The following VKORC1L1 variants were observed in gnomAD, a reference collection of about 807,000 sequenced individuals.
VKORC1L1 encodes the protein vitamin K epoxide reductase complex subunit 1-like protein 1.
A neutral mutation model predicts 18.9 loss-of-function variants in VKORC1L1; 2 were observed. The observed-to-expected ratio is 0.11, with a 90% confidence interval of 0.04 to 0.33. The LOEUF (loss-of-function observed/expected upper bound fraction) is 0.33. VKORC1L1 is among the 10% of genes least tolerant of loss of function. The probability of loss-of-function intolerance (pLI) is 1.00; values close to 1 mark genes in which losing one functional copy is unlikely to be tolerated. For synonymous variants in VKORC1L1, 96 were observed against 100.0 expected (o/e 0.96, Z 0.24); for missense variants, 123 against 224.1 (o/e 0.55, Z 2.88).
chr7:65,930,946 A>G (rs751281460), intron 1 of VKORC1L1, among the ~76,000 whole-genome samples: 78 of 152,212 alleles, frequency 5.1e-4, no homozygotes, highest in Non-Finnish European at 9.4e-4. Flanking sequence ...TAGATTTTGT[A>G]TTTTGTCAAA....
intron 1 of VKORC1L1, among the ~76,000 whole-genome samples, chr7:65,888,821 C>T (rs1388369425): frequency 1.3e-5 from 2 of 152,168 alleles, no homozygotes; most frequent in African/African-American, 4.8e-5. Context: ...AGAGCTCAGC[C>T]TTGATTTCTT....
At position 65,948,826 on chromosome 7, in the gene VKORC1L1, G is replaced by A. The variant is rs570037248; in HGVS notation, c.304+46G>A. The A allele has an allele frequency of 2.3e-5, 27 of 1,190,426 alleles. No homozygotes were observed. In the East Asian group the frequency reaches 4.7e-4, roughly 21 times the overall value. 73.7% of individuals were successfully genotyped at this position (1,190,426 alleles called of 1,614,324 possible). A position where few individuals can be genotyped will look rare whatever the true frequency, so the allele number is the denominator to read the frequency against. On this transcript the variant is annotated intron_variant, in intron 2 of 2. Transcript: ENST00000360768. Reference sequence around the variant, plus strand: ...AAATAAGTTTGTTATATTCCGTTTAGTACTTTGTGTCTTTGCCCTGAAGTG... The same window carrying A: ...AAATAAGTTTGTTATATTCCGTTTAATACTTTGTGTCTTTGCCCTGAAGTG...
chr7:65,866,865 AGAG>A, the VKORC1L1 span, among the ~76,000 whole-genome samples: 1 of 152,022 alleles, frequency 6.6e-6, no homozygotes, highest in Non-Finnish European at 1.5e-5. Context: ...TCGAGGAGGA[AGAG>A]GAGGAGGGGG....
chr7:65,868,176 T>G (rs1441854586), upstream of VKORC1L1, among the ~76,000 whole-genome samples: 13 of 151,790 alleles, frequency 8.6e-5, no homozygotes, highest in Non-Finnish European at 1.8e-4. Flanking sequence ...CAGAAAACAG[T>G]CAGGTGAGAT....
intron 1 of VKORC1L1, among the ~76,000 whole-genome samples, chr7:65,874,272 G>A (rs1034614125): frequency 1.3e-5 from 2 of 152,106 alleles, no homozygotes; most frequent in Non-Finnish European, 2.9e-5. Flanking sequence ...AGAAGGAAAT[G>A]GTCTGAGTTT....
intron 1 of VKORC1L1, among the ~76,000 whole-genome samples, chr7:65,908,942 T>C (rs1789453626): frequency 6.6e-6 from 1 of 151,096 alleles, no homozygotes; most frequent in African/African-American, 2.4e-5. Flanking sequence ...CAAGCTCATG[T>C]AATTTATTCA....
intron 1 of VKORC1L1, among the ~76,000 whole-genome samples, chr7:65,886,865 T>TC (rs1789023468): frequency 7.6e-6 from 1 of 132,108 alleles, no homozygotes; most frequent in Non-Finnish European, 1.6e-5. Context: ...TTTTTTTTTT[T>TC]CTGAGACAGA....
At chr7:65,915,320 T>C (rs1250249716) in intron 1 of VKORC1L1, among the ~76,000 whole-genome samples, 1 of 151,960 alleles carries the variant, frequency 6.6e-6, no homozygotes, top group East Asian at 1.9e-4. Context: ...CTCGATCTCC[T>C]GACCTCGTGA....
chr7:65,914,789 C>A (rs971295711), intron 1 of VKORC1L1, among the ~76,000 whole-genome samples: 1 of 152,086 alleles, frequency 6.6e-6, no homozygotes, highest in African/African-American at 2.4e-5. Flanking sequence ...AGCTTGAGAC[C>A]GACCAGGAGA....
chr7:65,930,849 G>A (rs1198067449), intron 1 of VKORC1L1, among the ~76,000 whole-genome samples: 1 of 152,080 alleles, frequency 6.6e-6, no homozygotes, highest in African/African-American at 2.4e-5. Context: ...TGAATGTGAT[G>A]TTAACTGTAG....
chr7:65,879,932 G>A (rs185766270), intron 1 of VKORC1L1, among the ~76,000 whole-genome samples: 331 of 151,542 alleles, frequency 2.2e-3, no homozygotes, highest in African/African-American at 7.6e-3. Context: ...GCTCACTGCA[G>A]CCTCAACCTC....
rs369613366 is a variant in VKORC1L1, at chr7:65,951,564, A to G, written c.305-2510A>G. ...ACTCCAGCCTCGGTGACAGAGCGAG[A>G]CTCCTTCAGGAAAAAAAAAATATAT... On this transcript the variant is annotated intron_variant, in intron 2 of 2. Coordinates refer to ENST00000360768, the MANE Select transcript of VKORC1L1 (RefSeq NM_173517.6). 4.7e-5 allele frequency among the ~76,000 whole-genome samples: 7 copies of G among 149,076 alleles called. No individual in the cohort carries two copies. In the East Asian group the frequency reaches 5.9e-4, roughly 13 times the overall value.
chr7:65,873,174 T>C lies in VKORC1L1; in HGVS notation c.-198T>C, dbSNP rs2116311579. 1 of 631,960 alleles carries C rather than the reference T, an allele frequency of 1.6e-6. No individual in the cohort carries two copies. Among genetic ancestry groups the C allele is most frequent in the South Asian group, 6.6e-5 (1 of 15,090 alleles). 39.1% of individuals were successfully genotyped at this position (631,960 alleles called of 1,614,324 possible). A position where few individuals can be genotyped will look rare whatever the true frequency, so the allele number is the denominator to read the frequency against. The stretch of plus-strand genomic sequence containing the variant: ...CCCGCCCCGTCCGCCTCACTCCTTT[T>C]GGGGCGGTTGGGCCGCGCGCCTGTG... On this transcript the variant is annotated 5_prime_UTR_variant, in exon 1 of 3. Transcript: ENST00000360768.
At chr7:65,949,809 G>A (rs1179601947) in intron 2 of VKORC1L1, among the ~76,000 whole-genome samples, 1 of 152,110 alleles carries the variant, frequency 6.6e-6, no homozygotes, top group African/African-American at 2.4e-5. Context: ...AATGTGAACT[G>A]TGTTTCAACA....
chr7:65,954,193 T>A lies in VKORC1L1; in HGVS notation c.424T>A (p.Cys142Ser). The part of the protein sequence containing the change: ...YFVLKEFCII[C>S]IVTYVLNFLL... ...TGTGCTGAAGGAGTTCTGCATCATC[T>A]GCATCGTCACGTACGTGCTGAACTT... The change falls in exon 3 of 3, where the codon TGC (cysteine) becomes AGC (serine). Residue 142 changes from cysteine to serine, a missense_variant. Physicochemically the swap from Cys to Ser is moderately radical, Grantham distance 112. This residue lies in a region of VKORC1L1 where 41 missense variants were observed against 61.6 expected (regional missense o/e 0.67). Coordinates refer to ENST00000360768, the MANE Select transcript of VKORC1L1 (RefSeq NM_173517.6). The A allele has an allele frequency of 1.2e-6, 2 of 1,614,170 alleles. No homozygotes were observed. The highest frequency in any genetic ancestry group is 1.7e-6 in the Non-Finnish European group (2 of 1,180,040).
intron 1 of VKORC1L1, among the ~76,000 whole-genome samples, chr7:65,940,847 A>G (rs1488816714): frequency 6.6e-6 from 1 of 152,230 alleles, no homozygotes; most frequent in Non-Finnish European, 1.5e-5. Context: ...GGACAGTATA[A>G]CATGTCCCTG....
intron 1 of VKORC1L1, among the ~76,000 whole-genome samples, chr7:65,890,776 AATTAT>A (rs372484948): frequency 6.6e-4 from 100 of 152,318 alleles, no homozygotes; most frequent in African/African-American, 2.3e-3. Flanking sequence ...CAGTCTGTTA[AATTAT>A]ATTAACCATT....
At chr7:65,941,961 G>A (rs1562655007) in intron 1 of VKORC1L1, among the ~76,000 whole-genome samples, 3 of 152,040 alleles carry the variant, frequency 2.0e-5, no homozygotes, top group African/African-American at 4.8e-5. Flanking sequence ...GCGCCTAGCC[G>A]TATTGCTGTT....
rs1456413833 is a variant in VKORC1L1 at position 65,959,223 on chromosome 7, T to G, written c.*4923T>G. On this transcript the variant is annotated 3_prime_UTR_variant, in exon 3 of 3. Transcript: ENST00000360768. ...AGGAAGCTGAGGCAGGAGAATTGCT[T>G]GAACCAGGGAGGCGGAGGTTGCAGT... 6.6e-6 allele frequency: 1 copy of G among 152,264 alleles called. No homozygotes were observed. Among genetic ancestry groups the G allele is most frequent in the Non-Finnish European group, 1.5e-5 (1 of 68,126 alleles). The allele number at this position is 152,264 out of a possible 1,614,324, so 9.4% of individuals were successfully genotyped here. A position where few individuals can be genotyped will look rare whatever the true frequency, so the allele number is the denominator to read the frequency against.
Sources: allele counts gnomAD v4.1 joint callset (sites outside exome capture counted in the v4.1 genomes callset), GRCh38; gene constraint gnomAD v4.1.1; regional missense constraint gnomAD v4.1.1; transcripts MANE v1.5; gene names NCBI Gene and HGNC (gene_info 2026-07-23, HGNC 2026-07-21).